MRPL2: variants seen among roughly 807,000 people sequenced by gnomAD.
MRPL2 encodes the protein mitochondrial ribosomal protein L2.
A neutral mutation model predicts 34.6 loss-of-function variants in MRPL2; 27 were observed. The ratio of observed to expected loss-of-function variants is 0.78; its 90% CI spans 0.58 to 1.08. The LOEUF is 1.08. MRPL2 is among the 50% of genes least tolerant of loss of function. The pLI, the probability that MRPL2 is intolerant of heterozygous loss-of-function variation, is 0.00. For missense variants in MRPL2, 414 were observed against 419.3 expected (o/e 0.99, Z 0.11); for synonymous variants, 155 against 158.0 (o/e 0.98, Z 0.14).
intron 2 of MRPL2, 72 bp from the exon 3 acceptor site, chr6:43,056,517 C>T: frequency 6.4e-7 from 1 of 1,573,140 alleles, no homozygotes; most frequent in East Asian, 2.3e-5. Context: ...GGAACTGGCC[C>T]ATTCTCTGCC....
Position 43,056,201 on chromosome 6 carries a change from T to G in MRPL2, c.405-5A>C. On this transcript the variant is annotated splice_region_variant and splice_polypyrimidine_tract_variant and intron_variant, in intron 3 of 6. Coordinates refer to ENST00000388752, the MANE Select transcript of MRPL2 (RefSeq NM_015950.5). ...ACCAGAGCTATGTCTGCTGACCTAA[T>G]CAGGGTGAGGGACAGGTAAGCAGAC... 1 of 1,613,596 alleles carries G rather than the reference T, an allele frequency of 6.2e-7. No individual in the cohort carries two copies. Among genetic ancestry groups the G allele is most frequent in the East Asian group, 2.2e-5 (1 of 44,876 alleles).
At chr6:43,057,202 G>A (rs1434955908) in intron 2 of MRPL2, among the ~76,000 whole-genome samples, 1 of 151,734 alleles carries the variant, frequency 6.6e-6, no homozygotes, top group Non-Finnish European at 1.5e-5. Flanking sequence ...TACTTTTTGA[G>A]ATGAGTCTCG....
At position 43,054,301 on chromosome 6, in the gene MRPL2, C is replaced by T. The variant is rs1255286644; in HGVS notation, c.891G>A (p.Lys297=). Residue 297 remains lysine (K), a synonymous_variant, in exon 7 of 7, where the codon AAG becomes AAA. Coordinates refer to ENST00000388752, the MANE Select transcript of MRPL2 (RefSeq NM_015950.5). Reference sequence around the variant, plus strand: ...AGCTTTGGGCAGAAGCAGAAGGCAGCTTCACGTAACTCTTCATGGGGGGTA... The same window carrying T: ...AGCTTTGGGCAGAAGCAGAAGGCAGTTTCACGTAACTCTTCATGGGGGGTA... ...RPLPPMKSYV[K]LPSASAQS 3 of 1,608,738 alleles carry T rather than the reference C, an allele frequency of 1.9e-6. No individual in the cohort carries two copies. The highest frequency in any genetic ancestry group is 2.2e-5 in the East Asian group (1 of 44,688).
chr6:43,057,158 G>A (rs945239622), intron 2 of MRPL2, among the ~76,000 whole-genome samples: 2 of 151,726 alleles, frequency 1.3e-5, no homozygotes, highest in African/African-American at 4.8e-5. Context: ...ATTATAGGCA[G>A]GAGCCACCAC....
chr6:43,054,197 A>AC lies in MRPL2; in HGVS notation c.*76dup. 8.7e-7 allele frequency: 1 copy of AC among 1,148,414 alleles called. No homozygotes were observed. Among genetic ancestry groups the AC allele is most frequent in the South Asian group, 1.5e-5 (1 of 66,770 alleles). The allele number at this position is 1,148,414 out of a possible 1,614,324, so 71.1% of individuals were successfully genotyped here. ...CAAAAAAAAAACAACAACAAAAAAA[A>AC]CAAAAAACACCCAAAACAAAACCAC... On this transcript the variant is annotated 3_prime_UTR_variant, in exon 7 of 7. Coordinates refer to ENST00000388752, the MANE Select transcript of MRPL2 (RefSeq NM_015950.5).
intron 2 of MRPL2, chr6:43,057,849 T>C (rs1280191842): frequency 6.2e-6 from 3 of 486,072 alleles, no homozygotes; most frequent in Non-Finnish European, 7.2e-6. Flanking sequence ...TTTTCTTCAA[T>C]TACCCAAATT....
chr6:43,055,493 CATTCCAA>C (rs1764825674), intron 6 of MRPL2, 45 bp downstream of exon 6: 2 of 1,574,666 alleles, frequency 1.3e-6, no homozygotes, highest in Admixed American at 1.7e-5. Context: ...AGGAAAGTTA[CATTCCAA>C]AAATTCCTCC....
intron 2 of MRPL2, chr6:43,057,691 C>T (rs1362739841): frequency 3.0e-5 from 8 of 265,480 alleles, no homozygotes; most frequent in Admixed American, 1.0e-4. Flanking sequence ...GTTGGCCAGC[C>T]TGGTCTTAAA....
chr6:43,058,003 A>C (rs757807740), intron 2 of MRPL2, 62 bp downstream of exon 2: 3 of 1,569,080 alleles, frequency 1.9e-6, no homozygotes, highest in Non-Finnish European at 2.6e-6. Flanking sequence ...TCAATATACA[A>C]GTCTAGGGTC....
In MRPL2 at chr6:43,056,112, G is replaced by C. The variant is rs200498353; in HGVS notation, c.489C>G (p.Ile163Met). ...ATENMQAGDT[I>M]LNSNHIGRMA... ...TTCGGCCTATGTGGTTAGAGTTCAAGATTGTATCTCCAGCCTGCATGTTTT... is the reference window on the plus strand; with the variant it reads ...TTCGGCCTATGTGGTTAGAGTTCAACATTGTATCTCCAGCCTGCATGTTTT... The change falls in exon 4 of 7, where the codon ATC becomes ATG. Residue 163 changes from isoleucine (I) to methionine (M), a missense_variant. Ile to Met is a conservative substitution (Grantham distance 10). Coordinates refer to ENST00000388752, the MANE Select transcript of MRPL2 (RefSeq NM_015950.5). The C allele has an allele frequency of 3.2e-5, 52 of 1,614,214 alleles. No homozygotes were observed. In the East Asian group the frequency reaches 1.1e-3, roughly 35 times the overall value.
rs201152908 is a variant in MRPL2 at position 43,055,599 on chromosome 6, C to T, written c.651G>A (p.Leu217=). The change falls in exon 6 of 7, where the codon CTG becomes CTA. Residue 217 remains leucine, a synonymous_variant. Transcript: ENST00000388752. The stretch of plus-strand genomic sequence containing the variant: ...TAATGGCTGTGCCATTCACCTTCCG[C>T]AGTAGCACACCACACGTCCCTGGGG... The part of the protein sequence containing the change: ...IRAAGTCGVL[L]RKVNGTAIIQ... The T allele has an allele frequency of 4.0e-5, 64 of 1,614,004 alleles. No individual in the cohort carries two copies. Among genetic ancestry groups the T allele is most frequent in the Non-Finnish European group, 5.3e-5 (63 of 1,180,054 alleles).
Position 43,056,053 on chromosome 6 carries a change from G to C in MRPL2, c.520+28C>G, listed in dbSNP as rs759029174. 7.4e-6 allele frequency: 12 copies of C among 1,613,980 alleles called. No individual in the cohort carries two copies. The Admixed American group carries it at 1.2e-4, about 16-fold the overall frequency. Reference sequence around the variant, plus strand: ...AGCTCTAGAACTTTTGCTGCCTCCAGCCCACACATCTGGTAGCCATCTCTC... The same window carrying C: ...AGCTCTAGAACTTTTGCTGCCTCCACCCCACACATCTGGTAGCCATCTCTC... On this transcript the variant is annotated intron_variant, in intron 4 of 6. Transcript: ENST00000388752.
At position 43,059,387 on chromosome 6, in the gene MRPL2, C is replaced by A; in HGVS notation, c.-6G>T. 6.5e-7 allele frequency: 1 copy of A among 1,542,474 alleles called. No individual in the cohort carries two copies. The highest frequency in any genetic ancestry group is 8.8e-7 in the Non-Finnish European group (1 of 1,140,906). ...GTCAGTGCGCACAGGGCCATCAGCA[C>A]GACACCCTTACTTTTAGCCAAGCTG... On this transcript the variant is annotated 5_prime_UTR_variant, in exon 1 of 7. Coordinates refer to ENST00000388752, the MANE Select transcript of MRPL2 (RefSeq NM_015950.5).
Position 43,058,066 on chromosome 6 carries a change from T to A in MRPL2, c.264A>T (p.Thr88=). ...AAATCCCCCTGTCCTTGTTCCCACCTGTGTGGTCTCGGCCCCCAGACTTCC... is the reference window on the plus strand; with the variant it reads ...AAATCCCCCTGTCCTTGTTCCCACCAGTGTGGTCTCGGCCCCCAGACTTCC... ...KMRKSGGRDH[T]GRIRVHGIGG... is the part of the protein sequence containing the mutation. Residue 88 remains threonine, a splice_region_variant and synonymous_variant, in exon 2 of 7, where the codon ACA becomes ACT. Transcript: ENST00000388752. 1 of 1,613,968 alleles carries A rather than the reference T, an allele frequency of 6.2e-7. No individual in the cohort carries two copies. The highest frequency in any genetic ancestry group is 8.5e-7 in the Non-Finnish European group (1 of 1,180,022).
At chr6:43,059,449 G>A, upstream of MRPL2, 2 of 1,473,546 alleles carry the variant, frequency 1.4e-6, no homozygotes, top group Non-Finnish European at 1.8e-6. Flanking sequence ...GTCCGGCGCC[G>A]TCGCTCCGCA....
upstream of MRPL2, chr6:43,059,513 C>T (rs1765021278): frequency 4.9e-6 from 7 of 1,435,204 alleles, no homozygotes; most frequent in South Asian, 1.0e-4. Context: ...ATACACACCT[C>T]CTTTCCTACC....
At chr6:43,055,769 A>C in intron 5 of MRPL2, 128 bp downstream of exon 5, 6 of 1,216,734 alleles carry the variant, frequency 4.9e-6, no homozygotes, top group Non-Finnish European at 6.9e-6. Flanking sequence ...GTAAAAACAC[A>C]TGCATATCTT....
chr6:43,055,691 C>A, intron 5 of MRPL2, 73 bp from the exon 6 acceptor site: 1 of 1,539,008 alleles, frequency 6.5e-7, no homozygotes, highest in Non-Finnish European at 8.9e-7. Flanking sequence ...GGGGACATAC[C>A]CCACATGCTG....
Position 43,059,369 on chromosome 6 carries a change from C to T in MRPL2, c.13G>A (p.Ala5Thr). The T allele has an allele frequency of 6.4e-7, 1 of 1,550,506 alleles. No homozygotes were observed. Among genetic ancestry groups the T allele is most frequent in the Non-Finnish European group, 8.7e-7 (1 of 1,146,278 alleles). The change falls in exon 1 of 7, where the codon GCA becomes ACA. Residue 5 changes from alanine to threonine, a missense_variant. By Grantham distance (58) the Ala-to-Thr change is moderately conservative. Transcript: ENST00000388752. Reference protein sequence around the residue: MALCALTRALRSLNL... With the variant: MALCTLTRALRSLNL... ...AGAGAGCGCAGAGCGCGGGTCAGTG[C>T]GCACAGGGCCATCAGCACGACACCC...
Sources: allele counts gnomAD v4.1 joint callset (sites outside exome capture counted in the v4.1 genomes callset), GRCh38; gene constraint gnomAD v4.1.1; transcripts MANE v1.5; gene names NCBI Gene and HGNC (gene_info 2026-07-23, HGNC 2026-07-21).